The following RILP variants were observed in gnomAD, a reference collection of about 807,000 sequenced individuals.
The protein encoded by RILP is Rab interacting lysosomal protein.
RILP carries 53 observed loss-of-function variants against 40.0 expected under a neutral mutation model. The observed-to-expected ratio is 1.32, with a 90% confidence interval of 1.06 to 1.66. The LOEUF is 1.66. Among genes scored for constraint, RILP ranks in the 40% most tolerant of loss-of-function variants. The pLI, the probability that RILP is intolerant of heterozygous loss-of-function variation, is 0.00. For synonymous variants in RILP, 272 were observed against 250.6 expected, an observed-to-expected ratio of 1.09 and a Z score of -0.80; for missense variants, 626 against 551.7, an observed-to-expected ratio of 1.13 and a Z score of -1.35.
At position 1,649,844 on chromosome 17, in the gene RILP, C is replaced by T; in HGVS notation, c.-40G>A. 1 of 1,451,022 alleles carries T rather than the reference C, an allele frequency of 6.9e-7. No homozygotes were observed. Among genetic ancestry groups the T allele is most frequent in the Non-Finnish European group, 9.2e-7 (1 of 1,085,028 alleles). 89.9% of individuals were successfully genotyped at this position (1,451,022 alleles called of 1,614,324 possible). ...TAGGGCTGCGACCCCCCCACCCCAC[C>T]CTCCACTGGGACGGGGAAAAGCGAA... is the stretch of plus-strand genomic sequence containing the variant. On this transcript the variant is annotated 5_prime_UTR_variant, in exon 1 of 8. Transcript: ENST00000301336. This position sits in a 1 kb window ranked among gnomAD's most constrained non-coding sequence, Gnocchi z 4.3.
rs984911235 is a variant in RILP, at chr17:1,649,352, A to G, written c.323-46T>C. The G allele has an allele frequency of 6.7e-7, 1 of 1,486,026 alleles. No homozygotes were observed. 92.1% of individuals were successfully genotyped at this position (1,486,026 alleles called of 1,614,324 possible). ...GCGGCGGCGGCGCGCGGCCCGCGGG[A>G]GGGAGGGGAGGACCCGAGCAGGTCG... On this transcript the variant is annotated intron_variant, in intron 2 of 7. Transcript: ENST00000301336. The surrounding 1 kb of genome is among the most constrained non-coding windows in gnomAD (Gnocchi z 4.3).
Position 1,649,203 on chromosome 17 carries a change from C to T in RILP, c.426G>A (p.Glu142=), listed in dbSNP as rs977991405. 9 of 1,477,552 alleles carry T rather than the reference C, an allele frequency of 6.1e-6. No individual in the cohort carries two copies. Among genetic ancestry groups the T allele is most frequent in the Non-Finnish European group, 8.0e-6 (9 of 1,120,802 alleles). 91.5% of individuals were successfully genotyped at this position (1,477,552 alleles called of 1,614,324 possible). The part of the protein sequence containing the change: ...RDLRQRGQET[E]ALQEQLQRLL... The stretch of plus-strand genomic sequence containing the variant: ...CAGAGCCCCGCCCCGCCCTCACCGC[C>T]TCGGTCTCCTGGCCGCGCTGCCGCA... Residue 142 remains glutamate, a synonymous_variant, in exon 3 of 8, where the codon GAG becomes GAA. Transcript: ENST00000301336. This position sits in a 1 kb window ranked among gnomAD's most constrained non-coding sequence, Gnocchi z 4.3.
chr17:1,647,891 CTTCCGGACA>C lies in RILP; in HGVS notation c.879_887del (p.Val294_Lys296del), dbSNP rs779861775. On this transcript the variant is annotated inframe_deletion, in exon 6 of 8. Coordinates refer to ENST00000301336, the MANE Select transcript of RILP (RefSeq NM_031430.3). ...TCTTGGCCTTGATCTTCTTCCGCTG[CTTCCGGACA>C]GCCACCTTCATGGCCTCGAGCAGAA... The C allele has an allele frequency of 6.2e-7, 1 of 1,614,132 alleles. No homozygotes were observed. Among genetic ancestry groups the C allele is most frequent in the Non-Finnish European group, 8.5e-7 (1 of 1,179,998 alleles).
At chr17:1,647,043 C>T (rs2151104484) in intron 6 of RILP, 54 bp from the exon 7 acceptor site, 4 of 1,263,284 alleles carry the variant, frequency 3.2e-6, no homozygotes, top group East Asian at 5.1e-5. Flanking sequence ...CCCTGAGGGA[C>T]AACAGGAATC....
At position 1,649,407 on chromosome 17, in the gene RILP, C is replaced by CT; in HGVS notation, c.322+4dup. 1 of 1,507,028 alleles carries CT rather than the reference C, an allele frequency of 6.6e-7. No homozygotes were observed. The highest frequency in any genetic ancestry group is 8.8e-7 in the Non-Finnish European group (1 of 1,135,348). The allele number at this position is 1,507,028 out of a possible 1,614,324, so 93.4% of individuals were successfully genotyped here. On this transcript the variant is annotated splice_donor_region_variant and intron_variant, in intron 2 of 7. Transcript: ENST00000301336. This position sits in a 1 kb window ranked among gnomAD's most constrained non-coding sequence, Gnocchi z 4.3. ...CCGCCCTGCCCTGGCCGGGGCTGCGCTTACCCTGTGGCCCCGCGCGCAGCT... is the reference window on the plus strand; with the variant it reads ...CCGCCCTGCCCTGGCCGGGGCTGCGCTTTACCCTGTGGCCCCGCGCGCAGCT...
chr17:1,649,142 GCCCAGCGCCTGCCACGCTC>G lies in RILP; in HGVS notation c.429+39_429+57del. Reference sequence around the variant, plus strand: ...GCTCCGCCCCCGCCCCCGGAGCCCCGCCCAGCGCCTGCCACGCTCCGCCCCCGCCCCGCCCCAGAGCCCC... The same window carrying G: ...GCTCCGCCCCCGCCCCCGGAGCCCCGCGCCCCCGCCCCGCCCCAGAGCCCC... On this transcript the variant is annotated intron_variant, in intron 3 of 7. Coordinates refer to ENST00000301336, the MANE Select transcript of RILP (RefSeq NM_031430.3). The surrounding 1 kb of genome is among the most constrained non-coding windows in gnomAD (Gnocchi z 4.3). 1 of 426,782 alleles carries G rather than the reference GCCCAGCGCCTGCCACGCTC, an allele frequency of 2.3e-6. No homozygotes were observed. The highest frequency in any genetic ancestry group is 3.4e-6 in the Non-Finnish European group (1 of 290,620). 26.4% of individuals were successfully genotyped at this position (426,782 alleles called of 1,614,324 possible). A position where few individuals can be genotyped will look rare whatever the true frequency, so the allele number is the denominator to read the frequency against.
At position 1,646,812 on chromosome 17, in the gene RILP, C is replaced by T. The variant is rs2293067; in HGVS notation, c.1028+94G>A. 683,699 of 1,099,934 alleles carry T rather than the reference C, an allele frequency of 0.62. 222,247 individuals are homozygous for T. Among genetic ancestry groups the T allele is most frequent in the Admixed American group, 0.73 (28,435 of 38,886 alleles). 68.1% of individuals were successfully genotyped at this position (1,099,934 alleles called of 1,614,324 possible). ...CTTAGAGCCAAGCACAGCAGGGTGA[C>T]GGGCAGAGAAGCGGGAAAGGGGATC... On this transcript the variant is annotated intron_variant, in intron 7 of 7. Transcript: ENST00000301336. The surrounding 1 kb of genome is among the most constrained non-coding windows in gnomAD (Gnocchi z 4.3).
In RILP at chr17:1,648,163, G is replaced by C. The variant is rs1567670344; in HGVS notation, c.821+187C>G. ...CCCTCCTAGGAGAGATTCCCTGGCT[G>C]CTGCAGCTGCAACCCTTTGTACTGT... On this transcript the variant is annotated intron_variant, in intron 5 of 7. Transcript: ENST00000301336. The surrounding 1 kb of genome is among the most constrained non-coding windows in gnomAD (Gnocchi z 4.9). Among the ~76,000 whole-genome samples, 1 of 152,194 alleles carries C rather than the reference G, an allele frequency of 6.6e-6. No homozygotes were observed. Among genetic ancestry groups the C allele is most frequent in the Non-Finnish European group, 1.5e-5 (1 of 68,032 alleles).
Position 1,646,732 on chromosome 17 carries a change from A to G in RILP, c.1029-113T>C. On this transcript the variant is annotated intron_variant, in intron 7 of 7. Coordinates refer to ENST00000301336, the MANE Select transcript of RILP (RefSeq NM_031430.3). The surrounding 1 kb of genome is among the most constrained non-coding windows in gnomAD (Gnocchi z 4.3). ...GAGAGGGGGAAGAAAGGGCAGCCTGAGGGAGTGTGAAGGTGATGGGGGCCA... is the reference window on the plus strand; with the variant it reads ...GAGAGGGGGAAGAAAGGGCAGCCTGGGGGAGTGTGAAGGTGATGGGGGCCA... 8.2e-7 allele frequency: 1 copy of G among 1,226,090 alleles called. No homozygotes were observed. Among genetic ancestry groups the G allele is most frequent in the East Asian group, 2.4e-5 (1 of 41,694 alleles). 76.0% of individuals were successfully genotyped at this position (1,226,090 alleles called of 1,614,324 possible). A position where few individuals can be genotyped will look rare whatever the true frequency, so the allele number is the denominator to read the frequency against.
rs61735420 is a variant in RILP at position 1,647,930 on chromosome 17, G to A, written c.849C>T (p.Pro283=). 14,406 of 1,614,002 alleles carry A rather than the reference G, an allele frequency of 8.9e-3. 108 individuals carry two copies. The highest frequency in any genetic ancestry group is 0.039 in the Middle Eastern group (234 of 6,058). ...QRELLTDHRV[P]GLLLEAMKVA... ...CCTTCATGGCCTCGAGCAGAAGGCC[G>A]GGGACCCGGTGGTCTGTGAGCAGCT... The change falls in exon 6 of 8, where the codon CCC becomes CCT. Residue 283 remains proline (P), a synonymous_variant. Transcript: ENST00000301336.
Position 1,646,886 on chromosome 17 carries a change from T to C in RILP, c.1028+20A>G. The C allele has an allele frequency of 6.4e-7, 1 of 1,554,096 alleles. No homozygotes were observed. Among genetic ancestry groups the C allele is most frequent in the Non-Finnish European group, 8.7e-7 (1 of 1,143,560 alleles). The stretch of plus-strand genomic sequence containing the variant: ...TTCCTCCCTCCCCACACTCTTGCCT[T>C]TCCCCTTTCCCCAACATACAAACTC... On this transcript the variant is annotated intron_variant, in intron 7 of 7. Coordinates refer to ENST00000301336, the MANE Select transcript of RILP (RefSeq NM_031430.3). The surrounding 1 kb of genome is among the most constrained non-coding windows in gnomAD (Gnocchi z 4.3).
rs1382225436 is a variant in RILP, at chr17:1,648,332, G to A, written c.821+18C>T. On this transcript the variant is annotated intron_variant, in intron 5 of 7. Coordinates refer to ENST00000301336, the MANE Select transcript of RILP (RefSeq NM_031430.3). This position sits in a 1 kb window ranked among gnomAD's most constrained non-coding sequence, Gnocchi z 4.9. ...AGGTGGGGTGATCGGAGGCCCCCCG[G>A]CTTCCCAGCGTCCTCACCGCTGGAA... 1 of 1,610,650 alleles carries A rather than the reference G, an allele frequency of 6.2e-7. No homozygotes were observed. The highest frequency in any genetic ancestry group is 1.7e-5 in the Admixed American group (1 of 59,584).
rs1321237212 is a variant in RILP at position 1,646,482 on chromosome 17, T to A, written c.1166A>T (p.Glu389Val). ...GGCTGAGGCCCCCAGACAAAGGTGT[T>A]CGTGGAGGGCAGAACAGGGCGGATC... ...APDPPCSALH[E>V]HLCLGASAAP... Residue 389 changes from glutamate to valine, a missense_variant, in exon 8 of 8, where the codon GAA becomes GTA. By Grantham distance (121) the Glu-to-Val change is moderately radical. Transcript: ENST00000301336. The surrounding 1 kb of genome is among the most constrained non-coding windows in gnomAD (Gnocchi z 4.3). The A allele has an allele frequency of 6.9e-6, 11 of 1,605,772 alleles. No homozygotes were observed. In the Admixed American group the frequency reaches 1.7e-4, roughly 25 times the overall value.
In RILP at chr17:1,649,164, CCCCCGCCCCGCCCCAGAG is replaced by C. The variant is rs760416814; in HGVS notation, c.429+18_429+35del. On this transcript the variant is annotated intron_variant, in intron 3 of 7. Coordinates refer to ENST00000301336, the MANE Select transcript of RILP (RefSeq NM_031430.3). The surrounding 1 kb of genome is among the most constrained non-coding windows in gnomAD (Gnocchi z 4.3). ...CCCGCCCAGCGCCTGCCACGCTCCG[CCCCCGCCCCGCCCCAGAG>C]CCCCGCCCCGCCCTCACCGCCTCGG... 1.1e-4 allele frequency: 137 copies of C among 1,235,714 alleles called. No individual in the cohort carries two copies. Among genetic ancestry groups the C allele is most frequent in the Middle Eastern group, 3.0e-4 (1 of 3,306 alleles). The allele number at this position is 1,235,714 out of a possible 1,614,324, so 76.5% of individuals were successfully genotyped here.
Position 1,646,793 on chromosome 17 carries a change from G to C in RILP, c.1028+113C>G. 1 of 1,064,406 alleles carries C rather than the reference G, an allele frequency of 9.4e-7. No individual in the cohort carries two copies. The highest frequency in any genetic ancestry group is 1.4e-6 in the Non-Finnish European group (1 of 734,376). The allele number at this position is 1,064,406 out of a possible 1,614,324, so 65.9% of individuals were successfully genotyped here. On this transcript the variant is annotated intron_variant, in intron 7 of 7. Coordinates refer to ENST00000301336, the MANE Select transcript of RILP (RefSeq NM_031430.3). The surrounding 1 kb of genome is among the most constrained non-coding windows in gnomAD (Gnocchi z 4.3). ...AGCAGGAGGGGACGGTGTGCTTAGA[G>C]CCAAGCACAGCAGGGTGACGGGCAG...
At position 1,646,494 on chromosome 17, in the gene RILP, G is replaced by C; in HGVS notation, c.1154C>G (p.Ser385Cys). 1 of 1,612,494 alleles carries C rather than the reference G, an allele frequency of 6.2e-7. No individual in the cohort carries two copies. The highest frequency in any genetic ancestry group is 8.5e-7 in the Non-Finnish European group (1 of 1,179,198). The change falls in exon 8 of 8, where the codon TCT becomes TGT. Residue 385 changes from serine (S) to cysteine (C), a missense_variant. Coordinates refer to ENST00000301336, the MANE Select transcript of RILP (RefSeq NM_031430.3). This position sits in a 1 kb window ranked among gnomAD's most constrained non-coding sequence, Gnocchi z 4.3. The stretch of plus-strand genomic sequence containing the variant: ...CAGACAAAGGTGTTCGTGGAGGGCA[G>C]AACAGGGCGGATCAGGAGCTGGAGA... ...PQSPAPDPPC[S>C]ALHEHLCLGA... is the part of the protein sequence containing the mutation.
intron 6 of RILP, among the ~76,000 whole-genome samples, chr17:1,647,242 C>T (rs975537919): frequency 6.6e-5 from 10 of 151,990 alleles, no homozygotes; most frequent in Non-Finnish European, 1.5e-5. Flanking sequence ...CAAGTTCAAG[C>T]GATTCTCCTG....
Position 1,649,746 on chromosome 17 carries a change from C to T in RILP, c.59G>A (p.Gly20Glu), listed in dbSNP as rs200942821. Residue 20 changes from glycine to glutamate, a missense_variant, in exon 1 of 8, where the codon GGG (glycine) becomes GAG (glutamate). Physicochemically the swap from Gly to Glu is moderately conservative, Grantham distance 98 (BLOSUM62 -2). Transcript: ENST00000301336. This position sits in a 1 kb window ranked among gnomAD's most constrained non-coding sequence, Gnocchi z 4.3. ...VPGWGSREAA[G>E]SASAAELVYH... is the part of the protein sequence containing the mutation. ...CACAAGCTCCGCGGCCGATGCCGAC[C>T]CCGCGGCCTCCCGAGACCCCCAGCC... is the stretch of plus-strand genomic sequence containing the variant. 3,546 of 1,587,120 alleles carry T rather than the reference C, an allele frequency of 2.2e-3. 2 individuals carry two copies. Among genetic ancestry groups the T allele is most frequent in the Middle Eastern group, 4.8e-3 (28 of 5,832 alleles).
Position 1,648,257 on chromosome 17 carries a change from A to G in RILP, c.821+93T>C. On this transcript the variant is annotated intron_variant, in intron 5 of 7. Transcript: ENST00000301336. The surrounding 1 kb of genome is among the most constrained non-coding windows in gnomAD (Gnocchi z 4.9). ...TACAATTCATGTCCTCCCAGTTCCC[A>G]GCGCAGGCCTGGCACATGTCACTGT... The G allele has an allele frequency of 6.8e-7, 1 of 1,474,874 alleles. No individual in the cohort carries two copies. The highest frequency in any genetic ancestry group is 9.2e-7 in the Non-Finnish European group (1 of 1,086,496). The allele number at this position is 1,474,874 out of a possible 1,614,324, so 91.4% of individuals were successfully genotyped here.
Sources: allele counts gnomAD v4.1 joint callset (sites outside exome capture counted in the v4.1 genomes callset), GRCh38; gene constraint gnomAD v4.1.1; non-coding constraint Gnocchi (gnomAD v3.1); transcripts MANE v1.5; gene names NCBI Gene and HGNC (gene_info 2026-07-23, HGNC 2026-07-21).